The following EAPP variants were observed in gnomAD, a reference collection of about 807,000 sequenced individuals.
EAPP encodes the protein E2F associated phosphoprotein, also known as E2F-associated phosphoprotein.
Under a neutral mutation model 34.3 loss-of-function variants are expected in EAPP, and 38 were observed. The observed-to-expected ratio is 1.11, with a 90% CI of 0.85 to 1.45. The LOEUF is 1.45. Among genes scored for constraint, EAPP ranks in the 40% most tolerant of loss-of-function variants. The pLI is 0.00. For missense variants in EAPP, 338 were observed against 343.7 expected (o/e 0.98, Z 0.13); for synonymous variants, 113 against 117.6 (o/e 0.96, Z 0.25).
Position 34,529,472 on chromosome 14 carries a change from T to C in EAPP, c.356A>G (p.Gln119Arg). 1 of 1,602,290 alleles carries C rather than the reference T, an allele frequency of 6.2e-7. No individual in the cohort carries two copies. The highest frequency in any genetic ancestry group is 1.7e-4 in the Middle Eastern group (1 of 6,044). ...TTTCTTCTTTTTTTTCTTGGTCACC[T>C]GTACTAATTTTGAAAATATTAGGAT... ...SDSEDEDRAV[Q>R]VTKKKKKKQH... Residue 119 changes from glutamine (Q) to arginine (R), a missense_variant, in exon 4 of 6, where the codon CAG becomes CGG. Coordinates refer to ENST00000250454, the MANE Select transcript of EAPP (RefSeq NM_018453.4).
At chr14:34,522,286 A>G (rs996800530) in intron 5 of EAPP, among the ~76,000 whole-genome samples, 5 of 150,064 alleles carry the variant, frequency 3.3e-5, no homozygotes. Context: ...GATCTCTGTT[A>G]AATTTATCTG....
At chr14:34,531,817 C>G (rs1467406577) in intron 3 of EAPP, among the ~76,000 whole-genome samples, 1 of 151,956 alleles carries the variant, frequency 6.6e-6, no homozygotes, top group Non-Finnish European at 1.5e-5. Flanking sequence ...TAGCTCACGC[C>G]TGTAATCCCA....
chr14:34,530,632 T>A (rs1394663288), intron 3 of EAPP, among the ~76,000 whole-genome samples: 2 of 151,876 alleles, frequency 1.3e-5, no homozygotes, highest in Non-Finnish European at 2.9e-5. Context: ...TACCCAAAAC[T>A]GGTATCTCAA....
intron 2 of EAPP, 117 bp downstream of exon 2, chr14:34,535,977 T>C: frequency 2.9e-6 from 2 of 681,278 alleles, no homozygotes; most frequent in Non-Finnish European, 4.8e-6. Flanking sequence ...ACTCCTTCAT[T>C]CAATAAATAT....
chr14:34,539,224 T>C (rs1880575038), intron 1 of EAPP: 8 of 505,342 alleles, frequency 1.6e-5, no homozygotes, highest in South Asian at 7.3e-5. Context: ...AGTTCAATTT[T>C]ACAGGTGAGT....
chr14:34,527,116 G>T (rs1880121541), intron 4 of EAPP, among the ~76,000 whole-genome samples: 1 of 141,516 alleles, frequency 7.1e-6, no homozygotes, highest in Non-Finnish European at 1.5e-5. Flanking sequence ...GTTGCGGTGA[G>T]CCAAGATCAC....
chr14:34,528,926 G>A (rs185467814), intron 4 of EAPP, among the ~76,000 whole-genome samples: 6 of 151,898 alleles, frequency 4.0e-5, no homozygotes, highest in African/African-American at 1.2e-4. Context: ...CACGAGGTCA[G>A]GGGTTCGAGA....
chr14:34,536,571 C>A lies in EAPP; in HGVS notation c.75-296G>T, dbSNP rs144866254. The A allele has an allele frequency of 1.2e-3, 227 of 191,840 alleles. 1 individual carries two copies. Among genetic ancestry groups the A allele is most frequent in the African/African-American group, 4.8e-3 (203 of 41,942 alleles). 11.9% of individuals were successfully genotyped at this position (191,840 alleles called of 1,614,324 possible). A position where few individuals can be genotyped will look rare whatever the true frequency, so the allele number is the denominator to read the frequency against. On this transcript the variant is annotated intron_variant, in intron 1 of 5. Coordinates refer to ENST00000250454, the MANE Select transcript of EAPP (RefSeq NM_018453.4). ...CCTCCACCTCCCCAGTTCAAGCAAT[C>A]CTCCCACCTCGGGTTCCCCAGTAGC... is the stretch of plus-strand genomic sequence containing the variant.
chr14:34,530,034 T>A (rs112866685), intron 3 of EAPP, among the ~76,000 whole-genome samples: 4 of 81,000 alleles, frequency 4.9e-5, no homozygotes, highest in Admixed American at 2.5e-4. Flanking sequence ...AAGAAAATAA[T>A]AAAATAAAAT....
intron 3 of EAPP, among the ~76,000 whole-genome samples, chr14:34,530,333 GA>G (rs1278002973): frequency 6.6e-6 from 1 of 152,142 alleles, no homozygotes; most frequent in African/African-American, 2.4e-5. Flanking sequence ...AGGAGTTCAA[GA>G]CCAGCCTGGC....
chr14:34,532,570 T>C (rs1395013278), intron 3 of EAPP, among the ~76,000 whole-genome samples: 1 of 151,878 alleles, frequency 6.6e-6, no homozygotes, highest in African/African-American at 2.4e-5. Flanking sequence ...GGAAAAGCCC[T>C]GAGGAGGGGA....
At chr14:34,535,256 A>C (rs1301380719) in intron 2 of EAPP, among the ~76,000 whole-genome samples, 1 of 150,946 alleles carries the variant, frequency 6.6e-6, no homozygotes, top group Non-Finnish European at 1.5e-5. Flanking sequence ...CGGCCTCCCA[A>C]GTAGCTGGGA....
At chr14:34,516,782 C>A (rs1014962884) in intron 5 of EAPP, among the ~76,000 whole-genome samples, 196 bp from the exon 6 acceptor site, 1 of 152,164 alleles carries the variant, frequency 6.6e-6, no homozygotes, top group East Asian at 1.9e-4. Flanking sequence ...CAGCTCACTG[C>A]AGCCTTGAAC....
chr14:34,527,662 G>A (rs1034627076), intron 4 of EAPP, among the ~76,000 whole-genome samples: 1 of 152,288 alleles, frequency 6.6e-6, no homozygotes, highest in South Asian at 2.1e-4. Flanking sequence ...CTAAAATGTA[G>A]ATGAACTTCA....
intron 4 of EAPP, among the ~76,000 whole-genome samples, chr14:34,527,066 A>G (rs568915890): frequency 6.0e-5 from 9 of 150,544 alleles, no homozygotes; most frequent in South Asian, 4.3e-4. Context: ...GCTACTCAGG[A>G]GGCTGAGACA....
chr14:34,539,415 T>G, intron 1 of EAPP, 140 bp downstream of exon 1: 1 of 922,324 alleles, frequency 1.1e-6, no homozygotes, highest in Non-Finnish European at 1.7e-6. Context: ...GGAAAGCCCT[T>G]TGGCTTCGCA....
At chr14:34,521,112 A>T (rs1406017865) in intron 5 of EAPP, among the ~76,000 whole-genome samples, 1 of 152,084 alleles carries the variant, frequency 6.6e-6, no homozygotes, top group African/African-American at 2.4e-5. Flanking sequence ...CTTGTTGCCC[A>T]GGCTGTAGTG....
At chr14:34,530,154 C>G (rs2138898424) in intron 3 of EAPP, among the ~76,000 whole-genome samples, 1 of 152,026 alleles carries the variant, frequency 6.6e-6, no homozygotes, top group South Asian at 2.1e-4. Context: ...GAGCCGAGAT[C>G]ACGCCATTGC....
intron 4 of EAPP, among the ~76,000 whole-genome samples, chr14:34,529,156 A>T (rs561176690): frequency 1.3e-4 from 20 of 152,236 alleles, no homozygotes; most frequent in Middle Eastern, 3.4e-3. Flanking sequence ...ATAAAAATTT[A>T]AAAAATTTTA....
Sources: gnomAD v4.1 joint callset for allele counts (sites outside exome capture counted in the v4.1 genomes callset) on GRCh38, gnomAD v4.1.1 for gene constraint, MANE v1.5 for transcripts, NCBI Gene and HGNC (gene_info 2026-07-23, HGNC 2026-07-21) for gene names.